CALB1: variants seen among roughly 807,000 people sequenced by gnomAD.
CALB1 encodes calbindin 1.
A neutral mutation model predicts 46.7 loss-of-function variants in CALB1; 16 were observed. The observed-to-expected ratio is 0.34, with a 90% CI of 0.23 to 0.52. The LOEUF is 0.52. Among genes scored for constraint, CALB1 ranks in the 20% least tolerant of loss-of-function variants. The pLI is 0.95. For synonymous variants in CALB1, 90 were observed against 112.8 expected (o/e 0.80, Z 1.28); for missense variants, 224 against 300.3 (o/e 0.75, Z 1.88).
chr8:90,071,990 G>T, intron 3 of CALB1, among the ~76,000 whole-genome samples: 1 of 152,114 alleles, frequency 6.6e-6, no homozygotes, highest in East Asian at 1.9e-4. Flanking sequence ...AATGCTTGCG[G>T]ATTGGTTGGT....
chr8:90,060,513 C>A (rs563459966), intron 10 of CALB1, 116 bp downstream of exon 10: 44 of 857,870 alleles, frequency 5.1e-5, no homozygotes, highest in Admixed American at 4.0e-4. Context: ...GAATTGAATT[C>A]TATTTCTGCT....
chr8:90,066,081 C>T, intron 5 of CALB1, 106 bp from the exon 6 acceptor site: 1 of 743,444 alleles, frequency 1.3e-6, no homozygotes, highest in Non-Finnish European at 2.3e-6. Flanking sequence ...AAGAAAGTCT[C>T]CTTTTGAGGG....
rs1165802006 is a variant in CALB1, at chr8:90,069,155, T to G, written c.314A>C (p.Lys105Thr). ...QQLKSCEEFM[K>T]TWRKYDTDHS... The stretch of plus-strand genomic sequence containing the variant: ...CTTAAAGGGGCAGCTTTCTTATACC[T>G]TCATGAATTCCTCACAGGACTTCAG... Residue 105 changes from lysine (K) to threonine (T), a missense_variant and splice_region_variant, in exon 4 of 11, where the codon AAG (lysine) becomes ACG (threonine). By Grantham distance (78) the Lys-to-Thr change is moderately conservative. Coordinates refer to ENST00000265431, the MANE Select transcript of CALB1 (RefSeq NM_004929.4). The G allele has an allele frequency of 6.2e-7, 1 of 1,613,816 alleles. No homozygotes were observed. Among genetic ancestry groups the G allele is most frequent in the Non-Finnish European group, 8.5e-7 (1 of 1,179,736 alleles).
Position 90,065,407 on chromosome 8 carries a change from A to T in CALB1, c.450+491T>A, listed in dbSNP as rs944402485. 4.0e-5 allele frequency among the ~76,000 whole-genome samples: 6 copies of T among 151,742 alleles called. 1 individual carries two copies. Among genetic ancestry groups the T allele is most frequent in the Admixed American group, 3.9e-4 (6 of 15,216 alleles). ...AAAACCCCAAAACAACAAAAATCAA[A>T]AGAAAGAAGGAGACCCATTTTAACT... On this transcript the variant is annotated intron_variant, in intron 6 of 10. Transcript: ENST00000265431.
At chr8:90,076,734 T>C (rs556703015) in intron 3 of CALB1, among the ~76,000 whole-genome samples, 6 of 152,124 alleles carry the variant, frequency 3.9e-5, no homozygotes, top group South Asian at 2.1e-4. Context: ...TCCAGGACAA[T>C]GCGTCTGCTA....
intron 2 of CALB1, chr8:90,081,552 C>A: frequency 3.1e-6 from 2 of 640,286 alleles, no homozygotes; most frequent in Non-Finnish European, 3.9e-6. Context: ...GCATTTCCAC[C>A]CCCTTATTTC....
At position 90,059,334 on chromosome 8, in the gene CALB1, A is replaced by C. The variant is rs1213951740; in HGVS notation, c.*839T>G. The C allele has an allele frequency of 2.0e-5, 3 of 152,630 alleles. No homozygotes were observed. The highest frequency in any genetic ancestry group is 2.9e-5 in the Non-Finnish European group (2 of 68,016). The allele number at this position is 152,630 out of a possible 1,614,324, so 9.5% of individuals were successfully genotyped here. A position where few individuals can be genotyped will look rare whatever the true frequency, so the allele number is the denominator to read the frequency against. ...CCTTGGTGGAAATGAACAGTTCTACATAGAAAGAAAATCCAGGAAGTATGC... is the reference window on the plus strand; with the variant it reads ...CCTTGGTGGAAATGAACAGTTCTACCTAGAAAGAAAATCCAGGAAGTATGC... On this transcript the variant is annotated 3_prime_UTR_variant, in exon 11 of 11. Transcript: ENST00000265431.
intron 3 of CALB1, 40 bp from the exon 4 acceptor site, chr8:90,069,277 G>C (rs1313336966): frequency 1.3e-6 from 2 of 1,508,940 alleles, no homozygotes; most frequent in Non-Finnish European, 1.8e-6. Context: ...GTTGTAAGTT[G>C]CTCAAAAACA....
chr8:90,075,469 T>C (rs780051855), intron 3 of CALB1, among the ~76,000 whole-genome samples: 1 of 152,172 alleles, frequency 6.6e-6, no homozygotes, highest in East Asian at 1.9e-4. Context: ...TTATTATAAA[T>C]TGTAGAAAAC....
intron 3 of CALB1, among the ~76,000 whole-genome samples, chr8:90,070,923 A>C (rs931198854): frequency 6.6e-6 from 1 of 150,808 alleles, no homozygotes; most frequent in African/African-American, 2.5e-5. Flanking sequence ...TACTTCTGTG[A>C]CCTTTGCATT....
At chr8:90,069,365 A>G in intron 3 of CALB1, 128 bp from the exon 4 acceptor site, 1 of 712,228 alleles carries the variant, frequency 1.4e-6, no homozygotes, top group South Asian at 1.6e-5. Flanking sequence ...GAGGAAAAAC[A>G]TTAGAGTCGG....
At position 90,082,680 on chromosome 8, in the gene CALB1, C is replaced by A. The variant is rs1814754354; in HGVS notation, c.18G>T (p.Leu6=). ...GTGAGGCTGTGATGAGGGATGACTG[C>A]AGGTGGGATTCTGCCATTGTACAGC... is the stretch of plus-strand genomic sequence containing the variant. MAESH[L]QSSLITASQF... The change falls in exon 1 of 11, where the codon CTG becomes CTT. Residue 6 remains leucine, a synonymous_variant. Transcript: ENST00000265431. The A allele has an allele frequency of 6.2e-7, 1 of 1,614,078 alleles. No homozygotes were observed. The highest frequency in any genetic ancestry group is 8.5e-7 in the Non-Finnish European group (1 of 1,179,960).
At chr8:90,079,657 T>C (rs1334873012) in intron 2 of CALB1, among the ~76,000 whole-genome samples, 1 of 152,010 alleles carries the variant, frequency 6.6e-6, no homozygotes, top group Admixed American at 6.5e-5. Context: ...CTGACAAGTA[T>C]GTCAAAATCT....
At chr8:90,074,731 A>G (rs543488971) in intron 3 of CALB1, among the ~76,000 whole-genome samples, 1 of 152,328 alleles carries the variant, frequency 6.6e-6, no homozygotes, top group Admixed American at 6.5e-5. Flanking sequence ...TTTTAGGACT[A>G]AAATAGCTTT....
At chr8:90,079,781 A>T (rs1814693519) in intron 2 of CALB1, among the ~76,000 whole-genome samples, 1 of 152,036 alleles carries the variant, frequency 6.6e-6, no homozygotes, top group Admixed American at 6.6e-5. Context: ...TTCTGAAAAT[A>T]TATTGCATTG....
In CALB1 at chr8:90,082,759, G is replaced by T; in HGVS notation, c.-62C>A. The T allele has an allele frequency of 6.8e-7, 1 of 1,472,136 alleles. No individual in the cohort carries two copies. Among genetic ancestry groups the T allele is most frequent in the Non-Finnish European group, 9.5e-7 (1 of 1,050,988 alleles). 91.2% of individuals were successfully genotyped at this position (1,472,136 alleles called of 1,614,324 possible). ...CGTGTGTCTGTGTCCGCGCGAGGGG[G>T]AGTGAGCAAAAGCTCAGCGTGTGCG... On this transcript the variant is annotated 5_prime_UTR_variant, in exon 1 of 11. Coordinates refer to ENST00000265431, the MANE Select transcript of CALB1 (RefSeq NM_004929.4).
chr8:90,063,591 C>A lies in CALB1; in HGVS notation c.451-130G>T, dbSNP rs72671872. 399 of 701,516 alleles carry A rather than the reference C, an allele frequency of 5.7e-4. 1 individual carries two copies. Among genetic ancestry groups the A allele is most frequent in the Non-Finnish European group, 7.7e-4 (322 of 418,432 alleles). The allele number at this position is 701,516 out of a possible 1,614,324, so 43.5% of individuals were successfully genotyped here. A position where few individuals can be genotyped will look rare whatever the true frequency, so the allele number is the denominator to read the frequency against. On this transcript the variant is annotated intron_variant, in intron 6 of 10. Transcript: ENST00000265431. Reference sequence around the variant, plus strand: ...TATGCAGTAAAATTTTAAAAACTAGCATTTTTAAAACTTTCAATGCAAATT... The same window carrying A: ...TATGCAGTAAAATTTTAAAAACTAGAATTTTTAAAACTTTCAATGCAAATT...
At chr8:90,073,393 G>A (rs1390757386) in intron 3 of CALB1, among the ~76,000 whole-genome samples, 1 of 152,046 alleles carries the variant, frequency 6.6e-6, no homozygotes, top group East Asian at 1.9e-4. Flanking sequence ...TGATCAACAT[G>A]GGGATATAAA....
chr8:90,082,620 G>T lies in CALB1; in HGVS notation c.78C>A (p.Asp26Glu), dbSNP rs1366832647. Reference protein sequence around the residue: ...FFEIWLHFDADGSGYLEGKEL... With the variant: ...FFEIWLHFDAEGSGYLEGKEL... ...CAGTTAAAAAGAGAAGATAATCACCGTCAGCGTCGAAATGGAGCCAGATCT... is the reference window on the plus strand; with the variant it reads ...CAGTTAAAAAGAGAAGATAATCACCTTCAGCGTCGAAATGGAGCCAGATCT... The change falls in exon 1 of 11, where the codon GAC becomes GAA. Residue 26 changes from aspartate (D) to glutamate (E), a missense_variant and splice_region_variant. Transcript: ENST00000265431. The T allele has an allele frequency of 1.2e-6, 2 of 1,612,684 alleles. No homozygotes were observed. Among genetic ancestry groups the T allele is most frequent in the East Asian group, 2.2e-5 (1 of 44,876 alleles).
Sources: gnomAD v4.1 joint callset for allele counts (sites outside exome capture counted in the v4.1 genomes callset) on GRCh38, gnomAD v4.1.1 for gene constraint, MANE v1.5 for transcripts, NCBI Gene and HGNC (gene_info 2026-07-23, HGNC 2026-07-21) for gene names.